Variants in SLCO2B1 observed in about 807,000 individuals in gnomAD.
The protein encoded by SLCO2B1 is solute carrier organic anion transporter family member 2B1, also known as OATP-RP2.
Under a neutral mutation model 67.3 loss-of-function variants are expected in SLCO2B1, and 41 were observed. The observed-to-expected ratio is 0.61, with a 90% confidence interval of 0.47 to 0.79. SLCO2B1 has a LOEUF of 0.79. Among genes scored for constraint, SLCO2B1 ranks in the 30% least tolerant of loss-of-function variants. SLCO2B1 has a pLI of 0.00. For missense variants in SLCO2B1, 837 were observed against 920.1 expected, an observed-to-expected ratio of 0.91 and a Z score of 1.17; for synonymous variants, 379 against 381.4, an observed-to-expected ratio of 0.99 and a Z score of 0.07.
rs954136724 is a variant in SLCO2B1 at position 75,162,872 on chromosome 11, C to T, written c.147+87C>T. On this transcript the variant is annotated intron_variant, in intron 2 of 13. Coordinates refer to ENST00000289575, the MANE Select transcript of SLCO2B1 (RefSeq NM_007256.5). Reference sequence around the variant, plus strand: ...GTGGTGTAATGCCAAGGAAGACTTTCTCTGAGCCTCGGTTTCCTCATCTAT... The same window carrying T: ...GTGGTGTAATGCCAAGGAAGACTTTTTCTGAGCCTCGGTTTCCTCATCTAT... 2.8e-6 allele frequency: 4 copies of T among 1,452,474 alleles called. No homozygotes were observed. In the African/African-American group the frequency reaches 5.7e-5, roughly 21 times the overall value. 90.0% of individuals were successfully genotyped at this position (1,452,474 alleles called of 1,614,324 possible).
chr11:75,168,778 C>A (rs1001500269), intron 4 of SLCO2B1, among the ~76,000 whole-genome samples: 7 of 152,158 alleles, frequency 4.6e-5, no homozygotes, highest in African/African-American at 1.7e-4. Flanking sequence ...TGGAACACCC[C>A]TCCCCTCCCT....
intron 7 of SLCO2B1, among the ~76,000 whole-genome samples, chr11:75,183,542 TGA>T (rs945890342): frequency 2.6e-5 from 4 of 152,188 alleles, no homozygotes; most frequent in Non-Finnish European, 5.9e-5. Flanking sequence ...TTGTTTTTTT[TGA>T]GTCAAGGTGT....
chr11:75,163,998 G>T lies in SLCO2B1; in HGVS notation c.183G>T (p.Ala61=). The T allele has an allele frequency of 1.2e-6, 2 of 1,604,484 alleles. No homozygotes were observed. The highest frequency in any genetic ancestry group is 1.7e-6 in the Non-Finnish European group (2 of 1,175,704). ...FVLCHSLLQL[A]QLMISGYLKS... The stretch of plus-strand genomic sequence containing the variant: ...TGTGCCACAGCCTGCTGCAGCTGGC[G>T]CAGCTCATGATCTCCGGCTACCTAA... Residue 61 remains alanine (A), a synonymous_variant, in exon 3 of 14, where the codon GCG becomes GCT. Coordinates refer to ENST00000289575, the MANE Select transcript of SLCO2B1 (RefSeq NM_007256.5).
chr11:75,166,012 C>A, intron 4 of SLCO2B1, 63 bp downstream of exon 4: 1 of 1,537,022 alleles, frequency 6.5e-7, no homozygotes, highest in Non-Finnish European at 8.8e-7. Context: ...TGCGCTGGGG[C>A]CCACCCCACA....
intron 7 of SLCO2B1, among the ~76,000 whole-genome samples, chr11:75,175,562 G>A (rs140813790): frequency 1.2e-4 from 18 of 152,156 alleles, no homozygotes; most frequent in Non-Finnish European, 2.5e-4. Context: ...CGGGAGATTG[G>A]CAGTTTGTAA....
At chr11:75,174,385 CG>C (rs890083599) in intron 7 of SLCO2B1, among the ~76,000 whole-genome samples, 4 of 105,662 alleles carry the variant, frequency 3.8e-5, no homozygotes, top group African/African-American at 1.5e-4. Flanking sequence ...AGGGTGGGGG[CG>C]GGGAGAGAAA....
At chr11:75,154,538 G>T (rs1223440185) in intron 1 of SLCO2B1, among the ~76,000 whole-genome samples, 1 of 152,112 alleles carries the variant, frequency 6.6e-6, no homozygotes, top group Non-Finnish European at 1.5e-5. Context: ...GGAAATAAAA[G>T]CTAGGAGGAG....
rs369921443 is a variant in SLCO2B1 at position 75,173,783 on chromosome 11, A to G, written c.972+1214A>G. 9.2e-5 allele frequency among the ~76,000 whole-genome samples: 14 copies of G among 152,292 alleles called. No individual in the cohort carries two copies. In the East Asian group the frequency reaches 2.5e-3, roughly 27 times the overall value. On this transcript the variant is annotated intron_variant, in intron 7 of 13. Coordinates refer to ENST00000289575, the MANE Select transcript of SLCO2B1 (RefSeq NM_007256.5). ...CAAATTGGCTTCAAATTAAAAAGAAAATGACAAAATAGAAACAATTTTTAA... is the reference window on the plus strand; with the variant it reads ...CAAATTGGCTTCAAATTAAAAAGAAGATGACAAAATAGAAACAATTTTTAA...
chr11:75,169,723 T>G lies in SLCO2B1; in HGVS notation c.740T>G (p.Leu247Arg). The stretch of plus-strand genomic sequence containing the variant: ...GGCCTGGCCTTTGGGCTGGGCAGCC[T>G]CATGCTGCGCCTTTATGTGGACATT... ...GPGLAFGLGS[L>R]MLRLYVDINQ... The change falls in exon 6 of 14, where the codon CTC becomes CGC. Residue 247 changes from leucine to arginine, a missense_variant. Physicochemically the swap from Leu to Arg is moderately radical, Grantham distance 102. Transcript: ENST00000289575. 6.2e-7 allele frequency: 1 copy of G among 1,614,190 alleles called. No individual in the cohort carries two copies. The highest frequency in any genetic ancestry group is 1.3e-5 in the African/African-American group (1 of 75,064).
chr11:75,170,600 G>A (rs1676879), intron 6 of SLCO2B1, among the ~76,000 whole-genome samples: 106,882 of 152,098 alleles, frequency 0.7, 38,700 homozygotes, highest in South Asian at 0.83. Context: ...CTCAGGTGAC[G>A]TGTGTGTGGC....
intron 7 of SLCO2B1, among the ~76,000 whole-genome samples, chr11:75,184,240 C>T (rs1422504646): frequency 1.3e-5 from 2 of 152,166 alleles, no homozygotes; most frequent in African/African-American, 4.8e-5. Context: ...CACTATTTCG[C>T]CCCAGGCTCT....
At chr11:75,177,824 G>C (rs975247633) in intron 7 of SLCO2B1, among the ~76,000 whole-genome samples, 2 of 152,090 alleles carry the variant, frequency 1.3e-5, no homozygotes, top group African/African-American at 4.8e-5. Flanking sequence ...GGCTGGGTGT[G>C]GTGGCTCACA....
chr11:75,154,969 A>G (rs537215520), intron 1 of SLCO2B1, among the ~76,000 whole-genome samples: 1 of 152,174 alleles, frequency 6.6e-6, no homozygotes, highest in Non-Finnish European at 1.5e-5. Flanking sequence ...TCCTTGTTTT[A>G]GGCATAGAGA....
intron 1 of SLCO2B1, among the ~76,000 whole-genome samples, chr11:75,155,439 T>A (rs984260338): frequency 6.6e-6 from 1 of 152,138 alleles, no homozygotes; most frequent in African/African-American, 2.4e-5. Flanking sequence ...CCCCTTCATT[T>A]AGTTTAGTTC....
At chr11:75,162,871 T>C in intron 2 of SLCO2B1, 86 bp downstream of exon 2, 2 of 1,453,646 alleles carry the variant, frequency 1.4e-6, no homozygotes, top group Admixed American at 4.4e-5. Context: ...AGGAAGACTT[T>C]CTCTGAGCCT....
At chr11:75,186,971 C>G (rs927532653) in intron 7 of SLCO2B1, among the ~76,000 whole-genome samples, 1 of 152,204 alleles carries the variant, frequency 6.6e-6, no homozygotes, top group South Asian at 2.1e-4. Flanking sequence ...AGCTGGACCA[C>G]TTATTATCTG....
chr11:75,194,983 G>A (rs1372161182), intron 9 of SLCO2B1, among the ~76,000 whole-genome samples: 1 of 152,200 alleles, frequency 6.6e-6, no homozygotes, highest in Non-Finnish European at 1.5e-5. Context: ...CACAACCGCA[G>A]GTACTAACAG....
chr11:75,190,698 G>A (rs1945006511), intron 8 of SLCO2B1, among the ~76,000 whole-genome samples: 1 of 152,160 alleles, frequency 6.6e-6, no homozygotes, highest in Non-Finnish European at 1.5e-5. Context: ...CTTGAGTTAA[G>A]GGAAGCCCCT....
At chr11:75,200,594 G>C (rs1000403436) in intron 11 of SLCO2B1, 3 of 510,264 alleles carry the variant, frequency 5.9e-6, no homozygotes, top group Non-Finnish European at 1.0e-5. Context: ...TTGAGGCTCA[G>C]AGAAGTTCAG....
Sources: allele counts gnomAD v4.1 joint callset (sites outside exome capture counted in the v4.1 genomes callset), GRCh38; gene constraint gnomAD v4.1.1; transcripts MANE v1.5; gene names NCBI Gene and HGNC (gene_info 2026-07-23, HGNC 2026-07-21).